Variants in GNG2 observed in about 807,000 individuals in gnomAD.
The protein encoded by GNG2 is G protein subunit gamma 2, also known as guanine nucleotide-binding protein G(I)/G(S)/G(O) subunit gamma-2.
GNG2 carries 5 observed loss-of-function variants against 5.5 expected under a neutral mutation model. That is an observed-to-expected ratio of 0.91 (90% confidence interval 0.48 to 1.92). The LOEUF is 1.92. GNG2 is among the 30% of genes most tolerant of loss of function. The pLI, the probability that GNG2 is intolerant of heterozygous loss-of-function variation, is 0.01. For synonymous variants in GNG2, 28 were observed against 32.0 expected (o/e 0.88, Z 0.42); for missense variants, 55 against 88.4 (o/e 0.62, Z 1.52).
intron 2 of GNG2, among the ~76,000 whole-genome samples, chr14:51,839,496 G>A (rs149734408): frequency 4.3e-4 from 65 of 152,202 alleles, no homozygotes; most frequent in African/African-American, 1.5e-3. Flanking sequence ...AGAATGTGAG[G>A]TGGGTTTGCC....
chr14:51,917,628 CTT>C (rs963701709), intron 2 of GNG2, among the ~76,000 whole-genome samples: 1 of 152,158 alleles, frequency 6.6e-6, no homozygotes, highest in South Asian at 2.1e-4. Context: ...AAAAATCAGA[CTT>C]TTTTTTAATC....
chr14:51,853,925 C>G (rs1882031377), intron 2 of GNG2, among the ~76,000 whole-genome samples: 1 of 150,860 alleles, frequency 6.6e-6, no homozygotes. Context: ...GAGTCTCGCT[C>G]TGTTGCCCAG....
At chr14:51,929,167 A>G (rs562607517) in intron 2 of GNG2, among the ~76,000 whole-genome samples, 70 of 152,332 alleles carry the variant, frequency 4.6e-4, no homozygotes, top group African/African-American at 1.7e-3. Flanking sequence ...AAAATGAATC[A>G]GACTCATTTG....
intron 2 of GNG2, among the ~76,000 whole-genome samples, chr14:51,842,082 A>C (rs1881500014): frequency 6.6e-6 from 1 of 152,164 alleles, no homozygotes; most frequent in Admixed American, 6.5e-5. Flanking sequence ...CCATGATGTC[A>C]TGCTTATTTG....
intron 2 of GNG2, among the ~76,000 whole-genome samples, chr14:51,846,754 G>A (rs1881639521): frequency 6.6e-6 from 1 of 152,164 alleles, no homozygotes; most frequent in Non-Finnish European, 1.5e-5. Context: ...CCTTTTTCCA[G>A]TCTTCCCTCC....
rs577965601 is a variant in GNG2 at position 51,843,404 on chromosome 14, G to A, written c.64+15597G>A. 5.3e-4 allele frequency among the ~76,000 whole-genome samples: 80 copies of A among 152,174 alleles called. 1 individual carries two copies. Among genetic ancestry groups the A allele is most frequent in the African/African-American group, 1.7e-3 (72 of 41,512 alleles). Reference sequence around the variant, plus strand: ...AGAACACATGGACACAGGGATGGGAGCATCACACACTGGGGCCTGTCGGGG... The same window carrying A: ...AGAACACATGGACACAGGGATGGGAACATCACACACTGGGGCCTGTCGGGG... On this transcript the variant is annotated intron_variant, in intron 2 of 3. Coordinates refer to the GNG2 transcript ENST00000553432.
chr14:51,842,687 C>G (rs550067083), intron 2 of GNG2, among the ~76,000 whole-genome samples: 1 of 145,268 alleles, frequency 6.9e-6, no homozygotes, highest in African/African-American at 2.6e-5. Context: ...TTTTTTGAGA[C>G]AGATTCTCAC....
chr14:51,874,914 A>G (rs2140128867), intron 1 of GNG2, among the ~76,000 whole-genome samples: 1 of 152,256 alleles, frequency 6.6e-6, no homozygotes, highest in East Asian at 1.9e-4. Flanking sequence ...TCTATATTTA[A>G]TTTTCTTAAC....
chr14:51,829,100 A>G (rs2140068872), intron 2 of GNG2, among the ~76,000 whole-genome samples: 1 of 152,314 alleles, frequency 6.6e-6, no homozygotes, highest in African/African-American at 2.4e-5. Context: ...ACCAGCTGTG[A>G]ACACCTCAGT....
chr14:51,860,818 G>C (rs1286040578), intron 1 of GNG2, 28 bp downstream of exon 1: 1 of 151,048 alleles, frequency 6.6e-6, no homozygotes, highest in Non-Finnish European at 1.5e-5. Context: ...CATGTTGCTC[G>C]TTTTTAATTG....
chr14:51,888,376 T>C (rs574100303), intron 2 of GNG2, among the ~76,000 whole-genome samples: 2 of 152,278 alleles, frequency 1.3e-5, no homozygotes, highest in African/African-American at 4.8e-5. Flanking sequence ...TGGAGTACAG[T>C]GACATGATCA....
intron 2 of GNG2, among the ~76,000 whole-genome samples, chr14:51,878,924 T>C (rs1402808088): frequency 6.6e-6 from 1 of 152,244 alleles, no homozygotes; most frequent in Admixed American, 6.5e-5. Context: ...TAAGTATGCT[T>C]AAATTTTTCA....
intron 2 of GNG2, among the ~76,000 whole-genome samples, chr14:51,919,630 C>T (rs1441906809): frequency 6.6e-6 from 1 of 152,186 alleles, no homozygotes; most frequent in Admixed American, 6.5e-5. Flanking sequence ...TAGTGGGTTC[C>T]TGGACCCTGA....
At chr14:51,901,257 T>A (rs1246713350) in intron 2 of GNG2, among the ~76,000 whole-genome samples, 1 of 151,934 alleles carries the variant, frequency 6.6e-6, no homozygotes, top group South Asian at 2.1e-4. Context: ...GTGATCATGG[T>A]TTACCAGAGC....
intron 2 of GNG2, among the ~76,000 whole-genome samples, chr14:51,924,811 T>A (rs1887211755): frequency 6.6e-6 from 1 of 152,192 alleles, no homozygotes; most frequent in African/African-American, 2.4e-5. Context: ...CTAGAAAACA[T>A]CCTGTCCTCG....
intron 2 of GNG2, among the ~76,000 whole-genome samples, chr14:51,906,689 C>T (rs1287064242): frequency 6.6e-6 from 1 of 151,770 alleles, no homozygotes; most frequent in Non-Finnish European, 1.5e-5. Flanking sequence ...ACTGGCATCT[C>T]CCTATAATCA....
intron 1 of GNG2, among the ~76,000 whole-genome samples, chr14:51,866,040 C>CAGG (rs1312261190): frequency 1.3e-5 from 2 of 152,080 alleles, no homozygotes; most frequent in Non-Finnish European, 2.9e-5. Context: ...GGAGATAAGA[C>CAGG]AGGATCAGCC....
chr14:51,845,698 C>T (rs554148198), intron 2 of GNG2, among the ~76,000 whole-genome samples: 1 of 152,122 alleles, frequency 6.6e-6, no homozygotes, highest in East Asian at 1.9e-4. Context: ...TATCAAAAGC[C>T]CCGAGAAGTC....
intron 1 of GNG2, among the ~76,000 whole-genome samples, chr14:51,864,664 T>G (rs1021695091): frequency 6.6e-6 from 1 of 152,186 alleles, no homozygotes; most frequent in Non-Finnish European, 1.5e-5. Flanking sequence ...TGGTCAAATC[T>G]CAGACCAGGC....
Sources: gnomAD v4.1 joint callset for allele counts (sites outside exome capture counted in the v4.1 genomes callset) on GRCh38, gnomAD v4.1.1 for gene constraint, MANE v1.5 for transcripts, NCBI Gene and HGNC (gene_info 2026-07-23, HGNC 2026-07-21) for gene names.